The following CA10 variants were observed in gnomAD, a reference collection of about 807,000 sequenced individuals.
CA10 encodes carbonic anhydrase-related protein 10.
CA10 carries 14 observed loss-of-function variants against 44.2 expected under a neutral mutation model. The observed-to-expected ratio is 0.32, with a 90% CI of 0.21 to 0.50. The LOEUF (loss-of-function observed/expected upper bound fraction) is 0.50. Among genes scored for constraint, CA10 ranks in the 20% least tolerant of loss-of-function variants. The pLI, the probability that CA10 is intolerant of heterozygous loss-of-function variation, is 0.99. For synonymous variants in CA10, 159 were observed against 141.6 expected (o/e 1.12, Z -0.87); for missense variants, 350 against 409.7 (o/e 0.85, Z 1.26).
intron 3 of CA10, among the ~76,000 whole-genome samples, chr17:51,840,006 T>G (rs936129125): frequency 5.3e-5 from 8 of 152,228 alleles, no homozygotes; most frequent in Non-Finnish European, 7.3e-5. Context: ...CTCGGGCTCA[T>G]GTGCATAAAG....
At position 51,636,411 on chromosome 17, in the gene CA10, A is replaced by T. The variant is rs73987127; in HGVS notation, c.635-402T>A. Among the ~76,000 whole-genome samples, 1,008 of 152,304 alleles carry T rather than the reference A, an allele frequency of 6.6e-3. 8 individuals are homozygous for T. Among genetic ancestry groups the T allele is most frequent in the African/African-American group, 0.023 (962 of 41,556 alleles). On this transcript the variant is annotated intron_variant, in intron 6 of 8. Coordinates refer to ENST00000451037, the MANE Select transcript of CA10 (RefSeq NM_020178.5). ...TGGTTCTTAAAACTTCCATCCCAGA[A>T]GTGGCACACATCACTTGTGCTCATG...
intron 4 of CA10, among the ~76,000 whole-genome samples, chr17:51,664,480 A>G (rs183580510): frequency 1.6e-3 from 241 of 151,916 alleles, no homozygotes; most frequent in South Asian, 6.7e-3. Flanking sequence ...AATATGGAGT[A>G]CCTGTATTTA....
chr17:51,963,181 T>C (rs1316313489), intron 2 of CA10, among the ~76,000 whole-genome samples: 1 of 152,148 alleles, frequency 6.6e-6, no homozygotes, highest in Non-Finnish European at 1.5e-5. Context: ...GCTTGAAGAC[T>C]AGTCTTTTGA....
chr17:51,875,192 G>A (rs1478935675), intron 3 of CA10, among the ~76,000 whole-genome samples: 3 of 152,038 alleles, frequency 2.0e-5, no homozygotes, highest in Non-Finnish European at 4.4e-5. Flanking sequence ...CAGGAACCAG[G>A]AGAGCTGCTT....
intron 5 of CA10, 56 bp downstream of exon 5, chr17:51,653,585 G>T: frequency 2.2e-6 from 2 of 930,100 alleles, no homozygotes; most frequent in Non-Finnish European, 3.6e-6. Flanking sequence ...ACCGTAAATT[G>T]GTATTCTGAT....
intron 2 of CA10, among the ~76,000 whole-genome samples, chr17:51,938,181 C>G (rs1300259041): frequency 6.6e-6 from 1 of 152,118 alleles, no homozygotes; most frequent in Non-Finnish European, 1.5e-5. Flanking sequence ...AGCTACTTCA[C>G]AGAGCTGTTG....
At position 51,976,759 on chromosome 17, in the gene CA10, A is replaced by G. The variant is rs914010345; in HGVS notation, c.137-45627T>C. 1.3e-5 allele frequency among the ~76,000 whole-genome samples: 2 copies of G among 151,876 alleles called. 1 individual carries two copies. Among genetic ancestry groups the G allele is most frequent in the South Asian group, 4.1e-4 (2 of 4,832 alleles). ...AGGGAATGTTAAAAATGAGAGTGAAAAAAAGACAAAAAAAAGGAAATCAAC... is the reference window on the plus strand; with the variant it reads ...AGGGAATGTTAAAAATGAGAGTGAAGAAAAGACAAAAAAAAGGAAATCAAC... On this transcript the variant is annotated intron_variant, in intron 2 of 8. Coordinates refer to ENST00000451037, the MANE Select transcript of CA10 (RefSeq NM_020178.5).
chr17:51,904,492 A>G (rs1456400741), intron 3 of CA10, among the ~76,000 whole-genome samples: 1 of 152,026 alleles, frequency 6.6e-6, no homozygotes, highest in Admixed American at 6.6e-5. Context: ...AGCTTCATCC[A>G]TCCTTTATCC....
chr17:51,881,013 G>A (rs1314561088), intron 3 of CA10, among the ~76,000 whole-genome samples: 1 of 151,900 alleles, frequency 6.6e-6, no homozygotes, highest in Non-Finnish European at 1.5e-5. Context: ...CGAGACAGGC[G>A]GATCATGAGG....
At chr17:51,999,808 C>T (rs1301232406) in intron 2 of CA10, among the ~76,000 whole-genome samples, 1 of 152,024 alleles carries the variant, frequency 6.6e-6, no homozygotes. Flanking sequence ...GCTTCAGGCT[C>T]TAGCACCAAG....
At chr17:51,891,843 G>T (rs1183383982) in intron 3 of CA10, among the ~76,000 whole-genome samples, 1 of 152,198 alleles carries the variant, frequency 6.6e-6, no homozygotes, top group African/African-American at 2.4e-5. Flanking sequence ...TAAGCAGGAA[G>T]AAGGTTTAAG....
chr17:51,682,286 A>C (rs138625557), intron 4 of CA10, among the ~76,000 whole-genome samples: 1,844 of 152,312 alleles, frequency 0.012, 14 homozygotes, highest in Middle Eastern at 0.02. Context: ...AGGTGGATTT[A>C]TGTGGGTGTT....
chr17:52,103,484 T>G (rs1988588076), intron 1 of CA10, among the ~76,000 whole-genome samples: 1 of 152,190 alleles, frequency 6.6e-6, no homozygotes, highest in African/African-American at 2.4e-5. Flanking sequence ...TGGTCAATCT[T>G]GCTGAAGAGT....
intron 4 of CA10, among the ~76,000 whole-genome samples, chr17:51,713,694 T>C (rs1916012425): frequency 6.6e-6 from 1 of 152,220 alleles, no homozygotes; most frequent in Non-Finnish European, 1.5e-5. Flanking sequence ...TTCCTTTGAA[T>C]AACTGTGCCT....
At chr17:51,844,838 C>A (rs1016386203) in intron 3 of CA10, among the ~76,000 whole-genome samples, 1 of 152,170 alleles carries the variant, frequency 6.6e-6, no homozygotes, top group African/African-American at 2.4e-5. Flanking sequence ...GAAACACCCA[C>A]ACCCACCGCA....
intron 3 of CA10, among the ~76,000 whole-genome samples, chr17:51,832,334 G>T (rs1018129850): frequency 1.3e-5 from 2 of 152,202 alleles, no homozygotes; most frequent in African/African-American, 4.8e-5. Context: ...TCTAGGGAGG[G>T]TGACTGACAA....
chr17:51,834,447 G>A (rs1908401080), intron 3 of CA10, among the ~76,000 whole-genome samples: 1 of 152,158 alleles, frequency 6.6e-6, no homozygotes, highest in Non-Finnish European at 1.5e-5. Context: ...TCTGTACAAT[G>A]GCAATTACTT....
chr17:51,636,081 CATACATACATATACAT>C (rs1057061729), intron 6 of CA10, 72 bp from the exon 7 acceptor site: 2 of 801,646 alleles, frequency 2.5e-6, no homozygotes, highest in African/African-American at 3.4e-5. Context: ...TACATACATA[CATACATACATATACAT>C]ATACATATAC....
chr17:51,635,568 C>T (rs1912788579), intron 7 of CA10, among the ~76,000 whole-genome samples: 1 of 151,948 alleles, frequency 6.6e-6, no homozygotes, highest in Admixed American at 6.6e-5. Context: ...TTTTAAATGC[C>T]AAAGCACGTC....
Sources: gnomAD v4.1 joint callset for allele counts (sites outside exome capture counted in the v4.1 genomes callset) on GRCh38, gnomAD v4.1.1 for gene constraint, MANE v1.5 for transcripts, NCBI Gene and HGNC (gene_info 2026-07-23, HGNC 2026-07-21) for gene names.